The following CACNA1C variants were observed in gnomAD, a reference collection of about 807,000 sequenced individuals.
The protein encoded by CACNA1C is voltage-dependent L-type calcium channel subunit alpha-1C.
Under a neutral mutation model 229.0 loss-of-function variants are expected in CACNA1C, and 30 were observed. The observed-to-expected ratio is 0.13, with a 90% CI of 0.10 to 0.18. The LOEUF is 0.18. CACNA1C is among the 10% of genes least tolerant of loss of function. CACNA1C has a pLI of 1.00. For missense variants in CACNA1C, 1,658 were observed against 2,845.0 expected (o/e 0.58, Z 9.49); for synonymous variants, 1,114 against 1,132.5 (o/e 0.98, Z 0.33).
rs139878165 is a variant in CACNA1C at position 2,108,745 on chromosome 12, A to T, written c.50-6479A>T. Among the ~76,000 whole-genome samples the T allele has an allele frequency of 0.012, 1,805 of 152,306 alleles. 10 individuals are homozygous for T. Among genetic ancestry groups the T allele is most frequent in the Non-Finnish European group, 0.019 (1,294 of 68,020 alleles). On this transcript the variant is annotated intron_variant, in intron 1 of 46. Coordinates refer to ENST00000399655, the MANE Select transcript of CACNA1C (RefSeq NM_000719.7). This position sits in a 1 kb window ranked among gnomAD's most constrained non-coding sequence, Gnocchi z 5.3. ...CCTCGGGTTATCGTCTGAGATCGAG[A>T]GACGGTGTCCTCTCTGTTCACGTCC...
chr12:2,091,503 T>C (rs1425146607), intron 1 of CACNA1C, among the ~76,000 whole-genome samples: 2 of 152,204 alleles, frequency 1.3e-5, no homozygotes, highest in African/African-American at 4.8e-5. Context: ...CCACATTCCT[T>C]GGCTCATGGC....
chr12:2,478,639 T>G lies in CACNA1C; in HGVS notation c.758-7465T>G, dbSNP rs1191314252. On this transcript the variant is annotated intron_variant, in intron 5 of 46. Transcript: ENST00000399655. ...GGCACTTTGCTTAAATTAACTTGTTTAATCCTCACAGCAACTTTATGGGAT... is the reference window on the plus strand; with the variant it reads ...GGCACTTTGCTTAAATTAACTTGTTGAATCCTCACAGCAACTTTATGGGAT... Among the ~76,000 whole-genome samples the G allele has an allele frequency of 1.3e-5, 2 of 152,226 alleles. 1 individual carries two copies. The highest frequency in any genetic ancestry group is 4.8e-5 in the African/African-American group (2 of 41,474).
At chr12:2,156,279 C>T (rs1295335348) in intron 3 of CACNA1C, among the ~76,000 whole-genome samples, 1 of 152,148 alleles carries the variant, frequency 6.6e-6, no homozygotes, top group Non-Finnish European at 1.5e-5. Flanking sequence ...AAAAATATGT[C>T]ATATGTACCT....
At chr12:1,983,120 G>A (rs1481089934) in intron 1 of CACNA1C, among the ~76,000 whole-genome samples, 2 of 148,732 alleles carry the variant, frequency 1.3e-5, no homozygotes, top group African/African-American at 4.9e-5. Context: ...GCTAATTTGT[G>A]TCTTCTTTTT....
chr12:2,345,007 T>C (rs1016875694), intron 3 of CACNA1C, among the ~76,000 whole-genome samples: 9 of 149,492 alleles, frequency 6.0e-5, no homozygotes, highest in African/African-American at 2.2e-4. Context: ...TTCCCAAACA[T>C]TTTTGGCCTT....
intron 3 of CACNA1C, among the ~76,000 whole-genome samples, chr12:2,136,032 T>C (rs1228698972): frequency 1.3e-5 from 2 of 150,634 alleles, no homozygotes; most frequent in Non-Finnish European, 3.0e-5. Flanking sequence ...TAAGCCGGTC[T>C]GAAAAGCGCA....
At chr12:2,438,098 G>A (rs1345517384) in intron 3 of CACNA1C, among the ~76,000 whole-genome samples, 1 of 150,966 alleles carries the variant, frequency 6.6e-6, no homozygotes, top group Non-Finnish European at 1.5e-5. Flanking sequence ...TGGTGGCAGT[G>A]GTGATGATAG....
At chr12:2,377,762 A>G (rs1174423320) in intron 3 of CACNA1C, among the ~76,000 whole-genome samples, 1 of 152,192 alleles carries the variant, frequency 6.6e-6, no homozygotes, top group South Asian at 2.1e-4. Context: ...CCAAGTTCAC[A>G]CAGCTAATGA....
At chr12:2,243,190 A>G (rs2071371964) in intron 3 of CACNA1C, among the ~76,000 whole-genome samples, 6 of 152,240 alleles carry the variant, frequency 3.9e-5, no homozygotes, top group Admixed American at 3.9e-4. Flanking sequence ...TCCATACACC[A>G]TGGTAATTGA....
intron 3 of CACNA1C, among the ~76,000 whole-genome samples, chr12:2,351,831 C>T (rs1376558760): frequency 6.6e-6 from 1 of 152,138 alleles, no homozygotes; most frequent in Non-Finnish European, 1.5e-5. Flanking sequence ...AATACATGCC[C>T]ACCACCTCTT....
chr12:2,613,729 T>A (rs546323145), intron 29 of CACNA1C: 1 of 152,624 alleles, frequency 6.6e-6, no homozygotes, highest in South Asian at 2.1e-4. Flanking sequence ...GGGTACACGG[T>A]GTCTGTGCCC....
Position 2,285,085 on chromosome 12 carries a change from G to T in CACNA1C, c.478-163891G>T, listed in dbSNP as rs968766343. On this transcript the variant is annotated intron_variant, in intron 3 of 46. Coordinates refer to ENST00000399655, the MANE Select transcript of CACNA1C (RefSeq NM_000719.7). The surrounding 1 kb of genome is among the most constrained non-coding windows in gnomAD (Gnocchi z 4.2). The stretch of plus-strand genomic sequence containing the variant: ...TCTCCTGCTCTCTGGGAGGAGGGAC[G>T]GGCCGCTAAGTGCTGACGGCAGCCT... 6.6e-6 allele frequency among the ~76,000 whole-genome samples: 1 copy of T among 152,274 alleles called. No homozygotes were observed. Among genetic ancestry groups the T allele is most frequent in the East Asian group, 1.9e-4 (1 of 5,182 alleles).
chr12:2,124,671 G>C (rs2089184282), intron 3 of CACNA1C, among the ~76,000 whole-genome samples: 1 of 152,300 alleles, frequency 6.6e-6, no homozygotes, highest in South Asian at 2.1e-4. Context: ...GGATAGAGAG[G>C]GGGCAGTGGA....
chr12:2,588,338 C>T (rs559226492), intron 18 of CACNA1C, among the ~76,000 whole-genome samples: 32 of 152,366 alleles, frequency 2.1e-4, no homozygotes, highest in Non-Finnish European at 3.8e-4. Flanking sequence ...AGTGTCCCTC[C>T]TGCTCTGCCT....
chr12:2,059,268 G>A (rs919791378), intron 1 of CACNA1C, among the ~76,000 whole-genome samples: 2 of 152,002 alleles, frequency 1.3e-5, no homozygotes, highest in African/African-American at 4.8e-5. Context: ...AACTCCCTAG[G>A]GTGTCTGGGA....
In CACNA1C at chr12:2,651,912, CCT is replaced by C. The variant is rs1365971689; in HGVS notation, c.4074+145_4074+146del. 6.1e-6 allele frequency: 4 copies of C among 657,410 alleles called. No homozygotes were observed. The highest frequency in any genetic ancestry group is 7.5e-6 in the Non-Finnish European group (3 of 398,330). The allele number at this position is 657,410 out of a possible 1,614,324, so 40.7% of individuals were successfully genotyped here. On this transcript the variant is annotated intron_variant, in intron 32 of 46. Coordinates refer to ENST00000399655, the MANE Select transcript of CACNA1C (RefSeq NM_000719.7). The surrounding 1 kb of genome is among the most constrained non-coding windows in gnomAD (Gnocchi z 5.4). ...AGAACTCGGCCGCTCTGCCTGGCTC[CCT>C]GTTTCCGCACCGAGAGGCCTAGACG...
intron 3 of CACNA1C, among the ~76,000 whole-genome samples, chr12:2,245,739 T>C (rs1215131896): frequency 6.6e-6 from 1 of 152,196 alleles, no homozygotes; most frequent in African/African-American, 2.4e-5. Context: ...GGCAGAGTTG[T>C]CCTAAACTGA....
intron 3 of CACNA1C, among the ~76,000 whole-genome samples, chr12:2,411,538 C>T (rs1229520895): frequency 6.6e-6 from 1 of 152,176 alleles, no homozygotes; most frequent in Non-Finnish European, 1.5e-5. Flanking sequence ...AGGAACAGAG[C>T]CCTTGCCTCT....
At chr12:2,263,745 T>G (rs750468796) in intron 3 of CACNA1C, among the ~76,000 whole-genome samples, 7 of 151,910 alleles carry the variant, frequency 4.6e-5, no homozygotes, top group Non-Finnish European at 8.8e-5. Context: ...ATATCTTGGC[T>G]TGAGTGAATG....
Sources: allele counts gnomAD v4.1 joint callset (sites outside exome capture counted in the v4.1 genomes callset), GRCh38; gene constraint gnomAD v4.1.1; non-coding constraint Gnocchi (gnomAD v3.1); transcripts MANE v1.5; gene names NCBI Gene and HGNC (gene_info 2026-07-23, HGNC 2026-07-21).